Variants in SYT1 observed in about 807,000 individuals in gnomAD.
SYT1 encodes the protein synaptotagmin-1.
A neutral mutation model predicts 44.8 loss-of-function variants in SYT1; 8 were observed. The observed-to-expected ratio is 0.18, with a 90% CI of 0.10 to 0.32. SYT1 has a LOEUF of 0.32. SYT1 is among the 10% of genes least tolerant of loss of function. The pLI is 1.00. For synonymous variants in SYT1, 154 were observed against 188.8 expected (o/e 0.82, Z 1.51); for missense variants, 286 against 509.3 (o/e 0.56, Z 4.22).
intron 4 of SYT1, among the ~76,000 whole-genome samples, chr12:79,223,448 C>CCAGA (rs1875296863): frequency 6.6e-6 from 1 of 152,166 alleles, no homozygotes; most frequent in Non-Finnish European, 1.5e-5. Context: ...CAGCTGAAGC[C>CCAGA]AGTGCAGTGC....
At chr12:79,122,056 C>T (rs1592766910) in intron 3 of SYT1, among the ~76,000 whole-genome samples, 1 of 152,194 alleles carries the variant, frequency 6.6e-6, no homozygotes, top group East Asian at 1.9e-4. Flanking sequence ...TAGATGTCTT[C>T]TGTTTATCAT....
chr12:79,417,862 G>T (rs1182273841), intron 9 of SYT1, among the ~76,000 whole-genome samples: 3 of 149,542 alleles, frequency 2.0e-5, no homozygotes, highest in Non-Finnish European at 3.0e-5. Flanking sequence ...TGCATATCAT[G>T]TCCTGAGAAT....
At chr12:78,950,573 C>CAA (rs1005703487) in intron 1 of SYT1, among the ~76,000 whole-genome samples, 4 of 152,002 alleles carry the variant, frequency 2.6e-5, no homozygotes, top group African/African-American at 9.7e-5. Context: ...CAATATGTTT[C>CAA]AAAGAAGTTG....
At chr12:78,937,450 A>G (rs1302375472) in intron 1 of SYT1, among the ~76,000 whole-genome samples, 2 of 152,162 alleles carry the variant, frequency 1.3e-5, no homozygotes, top group South Asian at 2.1e-4. Flanking sequence ...GTGAGATTGC[A>G]TAGAAGAGGA....
intron 1 of SYT1, among the ~76,000 whole-genome samples, chr12:78,972,800 G>T (rs1304871078): frequency 6.6e-6 from 1 of 151,504 alleles, no homozygotes; most frequent in African/African-American, 2.4e-5. Context: ...CATACGTTTG[G>T]CTTAAGTTAT....
chr12:78,886,218 T>TA (rs1420409336), intron 1 of SYT1, among the ~76,000 whole-genome samples: 1 of 151,972 alleles, frequency 6.6e-6, no homozygotes, highest in Non-Finnish European at 1.5e-5. Context: ...ATTGAAAGAC[T>TA]AATGCATTCA....
intron 5 of SYT1, chr12:79,291,791 C>T (rs898547763): frequency 1.2e-5 from 8 of 658,674 alleles, no homozygotes; most frequent in Non-Finnish European, 2.2e-5. Context: ...CTTCTTCCAT[C>T]GCTTCCATTT....
At chr12:78,871,663 G>C (rs1429330255) in intron 1 of SYT1, among the ~76,000 whole-genome samples, 1 of 151,946 alleles carries the variant, frequency 6.6e-6, no homozygotes, top group African/African-American at 2.4e-5. Context: ...GAGTTATCAA[G>C]ATTATTAGGA....
At chr12:79,250,632 G>A (rs1213308427) in intron 4 of SYT1, among the ~76,000 whole-genome samples, 1 of 152,114 alleles carries the variant, frequency 6.6e-6, no homozygotes, top group Admixed American at 6.5e-5. Context: ...TGGTCATTTT[G>A]TTATAATAAC....
chr12:79,107,137 T>C (rs982212046), intron 3 of SYT1, among the ~76,000 whole-genome samples: 60 of 152,040 alleles, frequency 3.9e-4, no homozygotes, highest in African/African-American at 1.4e-3. Flanking sequence ...ATCAGTGAAA[T>C]AAATATCTCA....
intron 3 of SYT1, among the ~76,000 whole-genome samples, chr12:79,100,470 G>T (rs1223933744): frequency 1.3e-5 from 2 of 152,056 alleles, no homozygotes; most frequent in Non-Finnish European, 1.5e-5. Context: ...GGAGAGAGGA[G>T]AGGAAGGAAA....
At chr12:79,344,458 T>G (rs956331635) in intron 8 of SYT1, among the ~76,000 whole-genome samples, 2 of 152,124 alleles carry the variant, frequency 1.3e-5, no homozygotes, top group Admixed American at 6.5e-5. Flanking sequence ...ACTTTTTGTT[T>G]GTTTTTGTTA....
intron 8 of SYT1, among the ~76,000 whole-genome samples, chr12:79,336,176 T>C (rs952462197): frequency 6.6e-6 from 1 of 152,176 alleles, no homozygotes; most frequent in East Asian, 1.9e-4. Flanking sequence ...TGGATTTGAA[T>C]TACTGCAAAT....
At chr12:79,308,536 GAAAGAAAGAAAGAAA>G (rs1227262142) in intron 8 of SYT1, among the ~76,000 whole-genome samples, 6 of 115,406 alleles carry the variant, frequency 5.2e-5, no homozygotes, top group Middle Eastern at 4.2e-3. Flanking sequence ...AAGAAATAAA[GAAAGAAAGAAAGAAA>G]AAAGAAAGAA....
At chr12:79,207,814 C>T (rs1465099077) in intron 3 of SYT1, among the ~76,000 whole-genome samples, 1 of 152,090 alleles carries the variant, frequency 6.6e-6, no homozygotes, top group African/African-American at 2.4e-5. Flanking sequence ...AGAACGACGG[C>T]TCCTAAGCTT....
intron 1 of SYT1, among the ~76,000 whole-genome samples, chr12:78,882,427 A>T (rs985176582): frequency 9.2e-5 from 14 of 151,792 alleles, no homozygotes; most frequent in Admixed American, 7.9e-4. Flanking sequence ...ATTAGACACT[A>T]AAATTGTAAA....
chr12:78,949,478 A>T (rs77840916), intron 1 of SYT1, among the ~76,000 whole-genome samples: 4 of 95,886 alleles, frequency 4.2e-5, no homozygotes, highest in Admixed American at 1.3e-4. Flanking sequence ...ATAGCTCATT[A>T]AAAAAAAAAA....
intron 9 of SYT1, among the ~76,000 whole-genome samples, chr12:79,356,971 T>G (rs966515528): frequency 2.0e-5 from 3 of 152,358 alleles, no homozygotes; most frequent in African/African-American, 7.2e-5. Context: ...AAGTTTATCT[T>G]ATTGTTTGAT....
intron 9 of SYT1, among the ~76,000 whole-genome samples, chr12:79,356,461 G>A (rs1592996245): frequency 6.6e-6 from 1 of 151,984 alleles, no homozygotes; most frequent in East Asian, 1.9e-4. Context: ...AGGAGCTATG[G>A]CCTGAAAAAA....
Sources: gnomAD v4.1 joint callset for allele counts (sites outside exome capture counted in the v4.1 genomes callset) on GRCh38, gnomAD v4.1.1 for gene constraint, MANE v1.5 for transcripts, NCBI Gene and HGNC (gene_info 2026-07-23, HGNC 2026-07-21) for gene names.